FHIT: variants seen among roughly 807,000 people sequenced by gnomAD.
FHIT encodes the protein fragile histidine triad diadenosine triphosphatase.
Under a neutral mutation model 17.9 loss-of-function variants are expected in FHIT, and 19 were observed. The ratio of observed to expected loss-of-function variants is 1.06; its 90% confidence interval spans 0.74 to 1.56. FHIT has a LOEUF of 1.56. FHIT is among the 40% of genes most tolerant of loss of function. The pLI, the probability that FHIT is intolerant of heterozygous loss-of-function variation, is 0.00. For synonymous variants in FHIT, 81 were observed against 69.7 expected (o/e 1.16, Z -0.81); for missense variants, 248 against 189.2 (o/e 1.31, Z -1.82).
chr3:60,805,323 A>C (rs1305497193), intron 4 of FHIT, among the ~76,000 whole-genome samples: 1 of 152,132 alleles, frequency 6.6e-6, no homozygotes, highest in African/African-American at 2.4e-5. Context: ...ACAGTTCTAG[A>C]GGCTGAAAGT....
chr3:60,484,358 C>T (rs1184834596), intron 5 of FHIT, among the ~76,000 whole-genome samples: 1 of 152,122 alleles, frequency 6.6e-6, no homozygotes, highest in East Asian at 1.9e-4. Context: ...CTCTGTATAG[C>T]CAAGACAATC....
chr3:60,507,583 CAT>C (rs2034785407), intron 5 of FHIT, among the ~76,000 whole-genome samples: 1 of 152,280 alleles, frequency 6.6e-6, no homozygotes, highest in South Asian at 2.1e-4. Flanking sequence ...AAACTCGTGT[CAT>C]GGCGGTTTGT....
At chr3:61,182,751 T>G (rs2038381245) in intron 2 of FHIT, among the ~76,000 whole-genome samples, 1 of 150,618 alleles carries the variant, frequency 6.6e-6, no homozygotes, top group Non-Finnish European at 1.5e-5. Flanking sequence ...GGATAGGGGG[T>G]ATGGGGGGTG....
intron 2 of FHIT, among the ~76,000 whole-genome samples, chr3:61,114,539 T>C (rs1340338760): frequency 6.6e-6 from 1 of 152,144 alleles, no homozygotes; most frequent in Non-Finnish European, 1.5e-5. Context: ...ACATAAGTGC[T>C]TGGCATAGAA....
intron 4 of FHIT, among the ~76,000 whole-genome samples, chr3:60,775,073 C>G (rs1018975088): frequency 3.3e-5 from 5 of 152,310 alleles, no homozygotes; most frequent in African/African-American, 1.2e-4. Context: ...GACATTGTTT[C>G]AACCAGTGCA....
rs1330621003 is a variant in FHIT, at chr3:60,197,735, T to A, written c.104-183583A>T. On this transcript the variant is annotated intron_variant, in intron 5 of 9. Coordinates refer to ENST00000492590, the MANE Select transcript of FHIT (RefSeq NM_002012.4). ...ATTTCTTCTTTGTATTGACTGGAAATCTGAAAAACCTTTGTACATTTCTCT... is the reference window on the plus strand; with the variant it reads ...ATTTCTTCTTTGTATTGACTGGAAAACTGAAAAACCTTTGTACATTTCTCT... 2.6e-5 allele frequency among the ~76,000 whole-genome samples: 4 copies of A among 152,152 alleles called. 1 individual carries two copies.
intron 2 of FHIT, among the ~76,000 whole-genome samples, chr3:61,151,984 T>A (rs373121638): frequency 2.6e-5 from 4 of 152,354 alleles, no homozygotes; most frequent in Non-Finnish European, 2.9e-5. Context: ...AGCCTTTACA[T>A]TGGAATACTT....
At chr3:60,197,094 C>T (rs1027607170) in intron 5 of FHIT, among the ~76,000 whole-genome samples, 1 of 152,136 alleles carries the variant, frequency 6.6e-6, no homozygotes, top group African/African-American at 2.4e-5. Context: ...TTTACTAATT[C>T]AAACTTTAAA....
chr3:60,443,695 T>C (rs1266188180), intron 5 of FHIT, among the ~76,000 whole-genome samples: 2 of 152,158 alleles, frequency 1.3e-5, no homozygotes, highest in Non-Finnish European at 2.9e-5. Flanking sequence ...TTGAGGATTT[T>C]TGCATCGATG....
At chr3:60,895,503 A>G (rs1423972978) in intron 3 of FHIT, among the ~76,000 whole-genome samples, 1 of 152,168 alleles carries the variant, frequency 6.6e-6, no homozygotes, top group East Asian at 1.9e-4. Context: ...ATGGTTTAAC[A>G]CCTATTGACA....
intron 5 of FHIT, among the ~76,000 whole-genome samples, chr3:60,237,564 C>G (rs1197440524): frequency 6.6e-6 from 1 of 152,064 alleles, no homozygotes; most frequent in Non-Finnish European, 1.5e-5. Context: ...GAAATAGAAA[C>G]TTTTATTCCT....
chr3:60,884,854 G>A (rs1345015865), intron 3 of FHIT, among the ~76,000 whole-genome samples: 4 of 144,094 alleles, frequency 2.8e-5, no homozygotes, highest in African/African-American at 5.2e-5. Flanking sequence ...GCAGAGGGCC[G>A]TGTCTGTGCC....
intron 4 of FHIT, among the ~76,000 whole-genome samples, chr3:60,559,482 C>T (rs765564491): frequency 1.3e-5 from 2 of 152,172 alleles, no homozygotes; most frequent in Non-Finnish European, 2.9e-5. Context: ...CCTTGATGCA[C>T]TTTTCCAGCA....
At chr3:60,248,748 G>C (rs529404029) in intron 5 of FHIT, among the ~76,000 whole-genome samples, 2 of 152,188 alleles carry the variant, frequency 1.3e-5, no homozygotes, top group Non-Finnish European at 2.9e-5. Context: ...TTTAGCATAA[G>C]GATTATTTTG....
intron 4 of FHIT, among the ~76,000 whole-genome samples, chr3:60,585,211 G>C (rs1400790475): frequency 6.6e-6 from 1 of 151,910 alleles, no homozygotes; most frequent in Non-Finnish European, 1.5e-5. Context: ...AACTAATTCT[G>C]AAAATTTCTA....
chr3:60,110,941 G>C (rs1272487152), intron 5 of FHIT, among the ~76,000 whole-genome samples: 1 of 152,074 alleles, frequency 6.6e-6, no homozygotes, highest in Non-Finnish European at 1.5e-5. Context: ...TCTCTACTCT[G>C]CCTGTCCCAT....
intron 4 of FHIT, among the ~76,000 whole-genome samples, chr3:60,542,901 A>G (rs2036230971): frequency 1.3e-5 from 2 of 152,270 alleles, no homozygotes; most frequent in East Asian, 3.9e-4. Context: ...ACATTTAGGT[A>G]TTTATTCCAC....
At chr3:59,978,674 C>A (rs1168754679) in intron 7 of FHIT, among the ~76,000 whole-genome samples, 2 of 148,774 alleles carry the variant, frequency 1.3e-5, no homozygotes, top group Admixed American at 6.7e-5. Context: ...AAAATTACTG[C>A]AAAACTATGT....
At chr3:60,607,356 G>C (rs570968002) in intron 4 of FHIT, among the ~76,000 whole-genome samples, 2 of 151,866 alleles carry the variant, frequency 1.3e-5, no homozygotes, top group African/African-American at 4.8e-5. Context: ...GGCCTCTTTC[G>C]AAGAGGGCAC....
Sources: allele counts gnomAD v4.1 joint callset (sites outside exome capture counted in the v4.1 genomes callset), GRCh38; gene constraint gnomAD v4.1.1; transcripts MANE v1.5; gene names NCBI Gene and HGNC (gene_info 2026-07-23, HGNC 2026-07-21).